The following CDH13 variants were observed in gnomAD, a reference collection of about 807,000 sequenced individuals.
CDH13 encodes cadherin-13.
CDH13 carries 24 observed loss-of-function variants against 63.8 expected under a neutral mutation model. That is an observed-to-expected ratio of 0.38 (90% CI 0.27 to 0.53). CDH13 has a LOEUF of 0.53. Ranked by LOEUF, CDH13 falls within the 20% of genes least tolerant of loss-of-function variation. The pLI is 0.85. For missense variants in CDH13, 1,049 were observed against 903.1 expected, an observed-to-expected ratio of 1.16 and a Z score of -2.07; for synonymous variants, 503 against 355.3, an observed-to-expected ratio of 1.42 and a Z score of -4.67.
intron 10 of CDH13, among the ~76,000 whole-genome samples, chr16:83,746,034 T>A (rs1429318677): frequency 6.6e-6 from 1 of 152,214 alleles, no homozygotes; most frequent in Non-Finnish European, 1.5e-5. Context: ...TTTGCGTAGC[T>A]GTTGGTTTGT....
At chr16:83,592,791 A>G (rs1598342561) in intron 7 of CDH13, among the ~76,000 whole-genome samples, 1 of 152,320 alleles carries the variant, frequency 6.6e-6, no homozygotes, top group African/African-American at 2.4e-5. Flanking sequence ...TAAATAAAAA[A>G]TAAAAAACAG....
At chr16:83,427,470 C>T (rs1044108394) in intron 6 of CDH13, among the ~76,000 whole-genome samples, 1 of 152,092 alleles carries the variant, frequency 6.6e-6, no homozygotes, top group Admixed American at 6.5e-5. Flanking sequence ...TCTGGAGCCT[C>T]CTGAAGGTAC....
At chr16:83,790,704 G>T in intron 13 of CDH13, among the ~76,000 whole-genome samples, 2 of 152,212 alleles carry the variant, frequency 1.3e-5, no homozygotes. Context: ...TGCCTGGCCC[G>T]GTTGTTGTAG....
intron 2 of CDH13, among the ~76,000 whole-genome samples, chr16:82,981,406 G>T (rs541093393): frequency 4.6e-5 from 7 of 152,126 alleles, no homozygotes; most frequent in Non-Finnish European, 1.0e-4. Context: ...CCCCCTCCTT[G>T]GAGGGTGATG....
At chr16:83,478,836 G>GGA (rs2073680794) in intron 6 of CDH13, among the ~76,000 whole-genome samples, 1 of 112,316 alleles carries the variant, frequency 8.9e-6, no homozygotes, top group Non-Finnish European at 1.8e-5. Flanking sequence ...TTGAAGATGA[G>GGA]AAAAAAAAAA....
At chr16:83,111,140 C>G (rs565623846) in intron 3 of CDH13, among the ~76,000 whole-genome samples, 66 of 151,470 alleles carry the variant, frequency 4.4e-4, no homozygotes, top group African/African-American at 1.6e-3. Context: ...CCACTGCACT[C>G]CAGCCTGGGC....
rs147485834 is a variant in CDH13 at position 83,245,481 on chromosome 16, G to A, written c.636+27984G>A. Among the ~76,000 whole-genome samples the A allele has an allele frequency of 9.1e-4, 138 of 152,324 alleles. 1 individual carries two copies. The highest frequency in any genetic ancestry group is 2.7e-3 in the South Asian group (13 of 4,828). ...GCTAAGGAAAGCAAGTGCTGAAGCC[G>A]CACTGGCCTCCTTTGGAAAGTAAAA... On this transcript the variant is annotated intron_variant, in intron 5 of 13. Transcript: ENST00000567109.
chr16:83,499,275 C>T (rs2074216930), intron 7 of CDH13, among the ~76,000 whole-genome samples: 1 of 152,202 alleles, frequency 6.6e-6, no homozygotes, highest in South Asian at 2.1e-4. Context: ...ACTCCTTAAG[C>T]TGTGATACTT....
chr16:83,748,074 A>G, intron 10 of CDH13, 34 bp from the exon 11 acceptor site: 2 of 1,612,898 alleles, frequency 1.2e-6, no homozygotes, highest in South Asian at 2.2e-5. Context: ...TCTACTTTGA[A>G]TGCAGAGTCT....
chr16:82,701,683 C>T (rs115371059), intron 1 of CDH13, among the ~76,000 whole-genome samples: 3 of 152,142 alleles, frequency 2.0e-5, no homozygotes, highest in Admixed American at 6.5e-5. Context: ...CAATCCCAGA[C>T]TCACAGCCCA....
At chr16:83,433,097 C>T (rs2072176437) in intron 6 of CDH13, among the ~76,000 whole-genome samples, 1 of 152,150 alleles carries the variant, frequency 6.6e-6, no homozygotes, top group Non-Finnish European at 1.5e-5. Flanking sequence ...ACAGAGAAGC[C>T]ATCAGCAGGT....
intron 7 of CDH13, among the ~76,000 whole-genome samples, chr16:83,534,585 CCT>C (rs2075147900): frequency 1.3e-5 from 2 of 152,126 alleles, no homozygotes; most frequent in East Asian, 1.9e-4. Context: ...GCGATTGGCC[CCT>C]GTCACTTAGC....
intron 4 of CDH13, among the ~76,000 whole-genome samples, chr16:83,166,469 C>T (rs1048505893): frequency 4.6e-5 from 7 of 152,080 alleles, no homozygotes; most frequent in Admixed American, 3.9e-4. Flanking sequence ...TGATTCCTCC[C>T]TCCTTTCCTT....
In CDH13 at chr16:83,559,993, C is replaced by T. The variant is rs139932036; in HGVS notation, c.961-42461C>T. On this transcript the variant is annotated intron_variant, in intron 7 of 13. Transcript: ENST00000567109. ...GGAGGCCTCATTGCCTGATACATCC[C>T]ATACTGACAGTAGCAGATTTGGAAC... Among the ~76,000 whole-genome samples, 415 of 152,250 alleles carry T rather than the reference C, an allele frequency of 2.7e-3. 1 individual carries two copies. The highest frequency in any genetic ancestry group is 4.9e-3 in the Non-Finnish European group (332 of 68,000).
At chr16:83,756,181 AG>A (rs1159272945) in intron 11 of CDH13, among the ~76,000 whole-genome samples, 2 of 152,206 alleles carry the variant, frequency 1.3e-5, no homozygotes, top group Admixed American at 1.3e-4. Flanking sequence ...ATAAGAAAGG[AG>A]GGGGAACAAC....
At chr16:83,446,849 G>A (rs1197886778) in intron 6 of CDH13, among the ~76,000 whole-genome samples, 2 of 151,802 alleles carry the variant, frequency 1.3e-5, no homozygotes, top group African/African-American at 2.4e-5. Context: ...ATCCTTTTGG[G>A]GGGCTTTTAA....
intron 2 of CDH13, among the ~76,000 whole-genome samples, chr16:82,917,384 G>C (rs1408503606): frequency 2.6e-5 from 4 of 152,134 alleles, no homozygotes; most frequent in Admixed American, 1.3e-4. Context: ...TAAAACTTTA[G>C]ATAAGTTAAT....
intron 8 of CDH13, among the ~76,000 whole-genome samples, chr16:83,608,476 G>GTATT (rs1908554036): frequency 6.6e-6 from 1 of 151,896 alleles, no homozygotes; most frequent in Non-Finnish European, 1.5e-5. Context: ...TTCCTGTGGG[G>GTATT]TATTAGCATT....
intron 5 of CDH13, among the ~76,000 whole-genome samples, chr16:83,259,282 T>C (rs1018445931): frequency 7.2e-5 from 11 of 152,224 alleles, no homozygotes; most frequent in African/African-American, 2.7e-4. Flanking sequence ...ATCCACGTCA[T>C]TGAATGCTTC....
Sources: gnomAD v4.1 joint callset for allele counts (sites outside exome capture counted in the v4.1 genomes callset) on GRCh38, gnomAD v4.1.1 for gene constraint, MANE v1.5 for transcripts, NCBI Gene and HGNC (gene_info 2026-07-23, HGNC 2026-07-21) for gene names.